The following CCDC154 variants were observed in gnomAD, a reference collection of about 807,000 sequenced individuals.
CCDC154 encodes the protein coiled-coil domain containing 154.
A neutral mutation model predicts 87.5 loss-of-function variants in CCDC154; 91 were observed. That is an observed-to-expected ratio of 1.04 (90% CI 0.88 to 1.24). The LOEUF is 1.24. Among genes scored for constraint, CCDC154 ranks in the 50% most tolerant of loss-of-function variants. CCDC154 has a pLI of 0.00. For synonymous variants in CCDC154, 418 were observed against 400.4 expected (o/e 1.04, Z -0.52); for missense variants, 903 against 879.2 (o/e 1.03, Z -0.34).
intron 9 of CCDC154, 59 bp from the exon 10 acceptor site, chr16:1,438,235 G>T: frequency 1.4e-6 from 2 of 1,448,512 alleles, no homozygotes; most frequent in Non-Finnish European, 1.8e-6. Flanking sequence ...TCAGCCCTGG[G>T]CCAGGGAGGG....
At chr16:1,435,580 C>T (rs1452837456) in intron 14 of CCDC154, among the ~76,000 whole-genome samples, 2 of 152,204 alleles carry the variant, frequency 1.3e-5, no homozygotes, top group African/African-American at 4.8e-5. Context: ...GGTTAGAATG[C>T]AATGGCGCGA....
rs4984839 is a variant in CCDC154 at position 1,437,974 on chromosome 16, A to G, written c.1153-20T>C. On this transcript the variant is annotated intron_variant, in intron 10 of 16. Coordinates refer to ENST00000389176, the MANE Select transcript of CCDC154 (RefSeq NM_001143980.3). ...TCGGAGCTGCAGGGGACAGGTGGGC[A>G]CGGGGAGGCCTGGCTGAGCGCCCAT... 0.39 allele frequency: 601,756 copies of G among 1,539,764 alleles called. 119,969 individuals carry two copies. Among genetic ancestry groups the G allele is most frequent in the Admixed American group, 0.42 (21,360 of 50,766 alleles).
Position 1,443,964 on chromosome 16 carries a change from C to T in CCDC154, c.56G>A (p.Arg19Lys), listed in dbSNP as rs567163688. 2.3e-6 allele frequency: 3 copies of T among 1,303,232 alleles called. No homozygotes were observed. The highest frequency in any genetic ancestry group is 2.5e-5 in the South Asian group (2 of 81,034). The allele number at this position is 1,303,232 out of a possible 1,614,324, so 80.7% of individuals were successfully genotyped here. ...CCCCAGGTCTTCCAGGGTGACGGCT[C>T]TCAGCTGGGAAGGGGCCGATGCCCC... is the stretch of plus-strand genomic sequence containing the variant. ...PSGASAPSQL[R>K]AVTLEDLGLL... The change falls in exon 2 of 17, where the codon AGA becomes AAA. Residue 19 changes from arginine to lysine, a missense_variant. By Grantham distance (26) the Arg-to-Lys change is conservative. Transcript: ENST00000389176.
rs1198380435 is a variant in CCDC154 at position 1,444,362 on chromosome 16, G to C, written c.-40C>G. On this transcript the variant is annotated 5_prime_UTR_variant, in exon 1 of 17. Coordinates refer to ENST00000389176, the MANE Select transcript of CCDC154 (RefSeq NM_001143980.3). Reference sequence around the variant, plus strand: ...ACCGGCCACCCTGCCCTCGGCTGTAGCTTGGGCCTTGGGGCCTCTGAGGTT... The same window carrying C: ...ACCGGCCACCCTGCCCTCGGCTGTACCTTGGGCCTTGGGGCCTCTGAGGTT... 1.5e-6 allele frequency: 2 copies of C among 1,297,026 alleles called. No individual in the cohort carries two copies. Among genetic ancestry groups the C allele is most frequent in the Non-Finnish European group, 2.0e-6 (2 of 987,938 alleles). 80.3% of individuals were successfully genotyped at this position (1,297,026 alleles called of 1,614,324 possible).
chr16:1,437,830 A>G lies in CCDC154; in HGVS notation c.1277T>C (p.Leu426Pro). Residue 426 changes from leucine (L) to proline (P), a missense_variant, in exon 11 of 17, where the codon CTC becomes CCC. Coordinates refer to ENST00000389176, the MANE Select transcript of CCDC154 (RefSeq NM_001143980.3). ...TGCCTGGCGCACCTCGGACAGCCTG[A>G]GGCCCAGCATCTGCTCCTGCAGATC... The part of the protein sequence containing the change: ...RLDLQEQMLG[L>P]RLSEAKTEWE... The G allele has an allele frequency of 2.0e-6, 3 of 1,535,504 alleles. No homozygotes were observed. The highest frequency in any genetic ancestry group is 2.6e-6 in the Non-Finnish European group (3 of 1,144,320).
intron 9 of CCDC154, 199 bp downstream of exon 9, chr16:1,438,420 G>A: frequency 1.4e-6 from 1 of 726,770 alleles, no homozygotes. Flanking sequence ...GTGCCCCAGG[G>A]AGGGCAGGCT....
At position 1,436,105 on chromosome 16, in the gene CCDC154, G is replaced by T; in HGVS notation, c.1488-19C>A. ...GAACTCCCTATGGGCACCAGAGGCCGAGGCTGGCTGTCGGGTGTGCTCGGG... is the reference window on the plus strand; with the variant it reads ...GAACTCCCTATGGGCACCAGAGGCCTAGGCTGGCTGTCGGGTGTGCTCGGG... On this transcript the variant is annotated intron_variant, in intron 13 of 16. Transcript: ENST00000389176. The T allele has an allele frequency of 1.3e-6, 2 of 1,544,224 alleles. No individual in the cohort carries two copies. The highest frequency in any genetic ancestry group is 1.8e-6 in the Non-Finnish European group (2 of 1,141,896).
At chr16:1,441,377 C>T (rs73492021) in intron 6 of CCDC154, among the ~76,000 whole-genome samples, 1,691 of 152,316 alleles carry the variant, frequency 0.011, 25 homozygotes, top group African/African-American at 0.038. Flanking sequence ...CAGTCCTGGC[C>T]CCTCACCCAG....
chr16:1,444,002 G>A lies in CCDC154; in HGVS notation c.18C>T (p.Asp6=), dbSNP rs375651819. The A allele has an allele frequency of 8.4e-5, 109 of 1,299,936 alleles. No individual in the cohort carries two copies. The highest frequency in any genetic ancestry group is 1.0e-4 in the Non-Finnish European group (101 of 988,898). The allele number at this position is 1,299,936 out of a possible 1,614,324, so 80.5% of individuals were successfully genotyped here. Residue 6 remains aspartate (D), a synonymous_variant, in exon 2 of 17, where the codon GAC becomes GAT. Transcript: ENST00000389176. ...GGGCCGATGCCCCTGAGGGTCCACT[G>A]TCAGCCAACTCTACAAGGAGGCATC... The part of the protein sequence containing the change: MSELA[D]SGPSGASAPS...
rs1162075026 is a variant in CCDC154 at position 1,436,824 on chromosome 16, T to C, written c.1291-13A>G. 9.0e-6 allele frequency: 14 copies of C among 1,550,316 alleles called. No homozygotes were observed. Among genetic ancestry groups the C allele is most frequent in the Non-Finnish European group, 1.2e-5 (14 of 1,146,806 alleles). ...ATTCGGTCTTTGCCTGGGGTACAGA[T>C]GCCCAGTGAGGGACAAAGCCAAGAG... is the stretch of plus-strand genomic sequence containing the variant. On this transcript the variant is annotated splice_polypyrimidine_tract_variant and intron_variant, in intron 11 of 16. Coordinates refer to ENST00000389176, the MANE Select transcript of CCDC154 (RefSeq NM_001143980.3).
intron 6 of CCDC154, among the ~76,000 whole-genome samples, chr16:1,439,666 T>TC (rs1360668321): frequency 6.6e-6 from 1 of 152,016 alleles, no homozygotes; most frequent in African/African-American, 2.4e-5. Flanking sequence ...AAACTTCCCC[T>TC]CCACCCAAGC....
chr16:1,443,900 C>G lies in CCDC154; in HGVS notation c.120G>C (p.Leu40Phe). 7.7e-7 allele frequency: 1 copy of G among 1,304,172 alleles called. No homozygotes were observed. The highest frequency in any genetic ancestry group is 1.0e-6 in the Non-Finnish European group (1 of 988,954). 80.8% of individuals were successfully genotyped at this position (1,304,172 alleles called of 1,614,324 possible). ...LAGGLASPEP[L>F]SLEELSERYE... is the part of the protein sequence containing the mutation. Reference sequence around the variant, plus strand: ...ACCTCTCCGAGAGCTCCTCCAGGCTCAAGGGCTCGGGGCTGGCCAGGCCTC... The same window carrying G: ...ACCTCTCCGAGAGCTCCTCCAGGCTGAAGGGCTCGGGGCTGGCCAGGCCTC... Residue 40 changes from leucine (L) to phenylalanine (F), a missense_variant, in exon 2 of 17, where the codon TTG (leucine) becomes TTC (phenylalanine). Coordinates refer to ENST00000389176, the MANE Select transcript of CCDC154 (RefSeq NM_001143980.3).
At position 1,442,541 on chromosome 16, in the gene CCDC154, G is replaced by A. The variant is rs758373565; in HGVS notation, c.552-12C>T. ...TCAGCTTGGCCAGTCTAGAGAAGTC[G>A]GCTGTGGTCACACCAGCCCAGCTGG... On this transcript the variant is annotated splice_polypyrimidine_tract_variant and intron_variant, in intron 5 of 16. Coordinates refer to ENST00000389176, the MANE Select transcript of CCDC154 (RefSeq NM_001143980.3). The A allele has an allele frequency of 1.1e-4, 168 of 1,526,940 alleles. No individual in the cohort carries two copies. Among genetic ancestry groups the A allele is most frequent in the South Asian group, 1.1e-4 (9 of 80,478 alleles). 94.6% of individuals were successfully genotyped at this position (1,526,940 alleles called of 1,614,324 possible). A position where few individuals can be genotyped will look rare whatever the true frequency, so the allele number is the denominator to read the frequency against.
chr16:1,438,355 C>T (rs2038520761), intron 9 of CCDC154, 179 bp from the exon 10 acceptor site: 2 of 827,298 alleles, frequency 2.4e-6, no homozygotes, highest in Non-Finnish European at 3.6e-6. Context: ...CCAAGATGGG[C>T]GTTCACTCCC....
chr16:1,438,911 C>T lies in CCDC154; in HGVS notation c.810G>A (p.Lys270=). The change falls in exon 8 of 17, where the codon AAG becomes AAA. Residue 270 remains lysine (K), a synonymous_variant. Coordinates refer to ENST00000389176, the MANE Select transcript of CCDC154 (RefSeq NM_001143980.3). ...GCTCGCCCCGCAGGCTGCCCTCCAG[C>T]TTCAGCCGTGAGCTCTCCGAGGCCT... ...RMKASESSRL[K]LEGSLRGELE... 2 of 1,549,626 alleles carry T rather than the reference C, an allele frequency of 1.3e-6. No individual in the cohort carries two copies. The highest frequency in any genetic ancestry group is 2.0e-5 in the Admixed American group (1 of 50,952).
In CCDC154 at chr16:1,444,354, C is replaced by A; in HGVS notation, c.-32G>T. The A allele has an allele frequency of 7.7e-7, 1 of 1,299,270 alleles. No homozygotes were observed. The highest frequency in any genetic ancestry group is 1.2e-5 in the South Asian group (1 of 80,994). 80.5% of individuals were successfully genotyped at this position (1,299,270 alleles called of 1,614,324 possible). On this transcript the variant is annotated 5_prime_UTR_variant, in exon 1 of 17. Coordinates refer to ENST00000389176, the MANE Select transcript of CCDC154 (RefSeq NM_001143980.3). ...TGGGCTGCACCGGCCACCCTGCCCT[C>A]GGCTGTAGCTTGGGCCTTGGGGCCT... is the stretch of plus-strand genomic sequence containing the variant.
chr16:1,435,987 C>A lies in CCDC154; in HGVS notation c.1587G>T (p.Met529Ile). 1.3e-6 allele frequency: 2 copies of A among 1,550,228 alleles called. No homozygotes were observed. The highest frequency in any genetic ancestry group is 1.7e-6 in the Non-Finnish European group (2 of 1,146,856). Residue 529 changes from methionine to isoleucine, a missense_variant, in exon 14 of 17, where the codon ATG (methionine) becomes ATT (isoleucine). Coordinates refer to ENST00000389176, the MANE Select transcript of CCDC154 (RefSeq NM_001143980.3). The stretch of plus-strand genomic sequence containing the variant: ...GGACTACCGTGGCCAGCTTGCCCTG[C>A]ATCTCCGCGATCTTCCGCCCAGGGT... Reference protein sequence around the residue: ...EDNPGRKIAEMQGKLATFQNQ... With the variant: ...EDNPGRKIAEIQGKLATFQNQ...
chr16:1,435,398 T>G, intron 14 of CCDC154: 1 of 581,232 alleles, frequency 1.7e-6, no homozygotes, highest in Non-Finnish European at 3.0e-6. Flanking sequence ...TCAGGGTTGT[T>G]CCGGCCCTCG....
intron 7 of CCDC154, 24 bp downstream of exon 7, chr16:1,439,001 G>A (rs1398172093): frequency 3.2e-6 from 5 of 1,549,952 alleles, no homozygotes; most frequent in Non-Finnish European, 4.4e-6. Context: ...GGGCAGGGCA[G>A]GCCAGCCGCG....
Sources: allele counts gnomAD v4.1 joint callset (sites outside exome capture counted in the v4.1 genomes callset), GRCh38; gene constraint gnomAD v4.1.1; transcripts MANE v1.5; gene names NCBI Gene and HGNC (gene_info 2026-07-23, HGNC 2026-07-21).